The following MYO10 variants were observed in gnomAD, a reference collection of about 807,000 sequenced individuals.
The protein encoded by MYO10 is unconventional myosin-X.
Under a neutral mutation model 257.3 loss-of-function variants are expected in MYO10, and 133 were observed. The observed-to-expected ratio is 0.52, with a 90% CI of 0.45 to 0.60. The LOEUF is 0.60. Ranked by LOEUF, MYO10 falls within the 20% of genes least tolerant of loss-of-function variation. The probability of loss-of-function intolerance (pLI) is 0.00; values close to 1 mark genes in which losing one functional copy is unlikely to be tolerated. For missense variants in MYO10, 2,399 were observed against 2,635.7 expected, an observed-to-expected ratio of 0.91 and a Z score of 1.97; for synonymous variants, 1,104 against 1,028.6, an observed-to-expected ratio of 1.07 and a Z score of -1.40.
At position 16,666,428 on chromosome 5, in the gene MYO10, C is replaced by A; in HGVS notation, c.*264G>T. The A allele has an allele frequency of 5.2e-6, 2 of 388,064 alleles. No homozygotes were observed. The highest frequency in any genetic ancestry group is 7.5e-5 in the South Asian group (1 of 13,406). The allele number at this position is 388,064 out of a possible 1,614,324, so 24.0% of individuals were successfully genotyped here. On this transcript the variant is annotated 3_prime_UTR_variant, in exon 41 of 41. Coordinates refer to ENST00000513610, the MANE Select transcript of MYO10 (RefSeq NM_012334.3). ...CGGCTGCTTTGGTGGCAGCGTGGTT[C>A]CTCCCCTCCTTTTTTAAGGCATGTG...
chr5:16,689,692 C>CGCCT, intron 28 of MYO10, 132 bp downstream of exon 28: 1 of 688,120 alleles, frequency 1.5e-6, no homozygotes, highest in Non-Finnish European at 2.6e-6. Context: ...TCTCGTATGA[C>CGCCT]TCTTGGTTCT....
chr5:16,832,892 GAAACCAGAGTCAA>G lies in MYO10; in HGVS notation c.121-14738_121-14726del, dbSNP rs911428156. 5.3e-5 allele frequency among the ~76,000 whole-genome samples: 8 copies of G among 152,212 alleles called. 1 individual carries two copies. The highest frequency in any genetic ancestry group is 2.6e-4 in the Admixed American group (4 of 15,270). On this transcript the variant is annotated intron_variant, in intron 2 of 40. Coordinates refer to ENST00000513610, the MANE Select transcript of MYO10 (RefSeq NM_012334.3). Reference sequence around the variant, plus strand: ...CCTTTGCTATCAGCTACCCAAGTCAGAAACCAGAGTCAACCTAAAATCCCTCCATTGCCAACCA... The same window carrying G: ...CCTTTGCTATCAGCTACCCAAGTCAGCCTAAAATCCCTCCATTGCCAACCA...
At chr5:16,912,759 C>T (rs1048052552) in intron 1 of MYO10, among the ~76,000 whole-genome samples, 2 of 149,680 alleles carry the variant, frequency 1.3e-5, no homozygotes, top group Non-Finnish European at 3.0e-5. Flanking sequence ...CTGTTTATAG[C>T]TGCCAAGGGT....
At position 16,699,203 on chromosome 5, in the gene MYO10, G is replaced by A. The variant is rs189881556; in HGVS notation, c.3556+247C>T. On this transcript the variant is annotated intron_variant, in intron 26 of 40. Transcript: ENST00000513610. ...CCTGCCACTCTGCACCAAACCAGGGGAGTCACGACTGTGTTCATGCTGGTA... is the reference window on the plus strand; with the variant it reads ...CCTGCCACTCTGCACCAAACCAGGGAAGTCACGACTGTGTTCATGCTGGTA... Among the ~76,000 whole-genome samples, 711 of 152,240 alleles carry A rather than the reference G, an allele frequency of 4.7e-3. 18 individuals carry two copies. Among genetic ancestry groups the A allele is most frequent in the Admixed American group, 0.032 (495 of 15,282 alleles).
chr5:16,869,064 G>A (rs996541552), intron 2 of MYO10, among the ~76,000 whole-genome samples: 19 of 151,960 alleles, frequency 1.3e-4, no homozygotes, highest in Non-Finnish European at 2.1e-4. Context: ...TCGCTCTGTC[G>A]CCCAGCGTGG....
At chr5:16,801,303 G>A (rs377118389) in intron 3 of MYO10, among the ~76,000 whole-genome samples, 419 of 152,266 alleles carry the variant, frequency 2.8e-3, no homozygotes, top group African/African-American at 9.7e-3. Flanking sequence ...CGCCTCCCGG[G>A]TTAAAGCAAT....
intron 9 of MYO10, among the ~76,000 whole-genome samples, chr5:16,772,643 A>G (rs910869699): frequency 6.6e-6 from 1 of 152,230 alleles, no homozygotes; most frequent in African/African-American, 2.4e-5. Flanking sequence ...GCTCATGAAC[A>G]TTCTATTCTA....
At chr5:16,766,384 C>T (rs535884215) in intron 10 of MYO10, among the ~76,000 whole-genome samples, 186 bp from the exon 11 acceptor site, 6 of 152,202 alleles carry the variant, frequency 3.9e-5, no homozygotes, top group Admixed American at 3.9e-4. Context: ...CGTGCTTGGA[C>T]GAAGTGTGGT....
Position 16,935,844 on chromosome 5 carries a change from T to C in MYO10, c.-36A>G, listed in dbSNP as rs1746426843. The C allele has an allele frequency of 6.2e-7, 1 of 1,611,054 alleles. No homozygotes were observed. The highest frequency in any genetic ancestry group is 8.5e-7 in the Non-Finnish European group (1 of 1,178,914). ...CAGTCCCGGACTCGCCGAGTGCCGC[T>C]CCGACTCGCGGAAGTCAGCGCCGCC... On this transcript the variant is annotated 5_prime_UTR_variant, in exon 1 of 41. Transcript: ENST00000513610.
At chr5:16,820,394 A>G (rs1580031271) in intron 2 of MYO10, among the ~76,000 whole-genome samples, 1 of 152,162 alleles carries the variant, frequency 6.6e-6, no homozygotes, top group South Asian at 2.1e-4. Flanking sequence ...GTGGGGCAGA[A>G]ACAGAACTTG....
At chr5:16,698,914 C>T (rs899698744) in intron 26 of MYO10, among the ~76,000 whole-genome samples, 6 of 152,096 alleles carry the variant, frequency 3.9e-5, no homozygotes, top group African/African-American at 7.2e-5. Flanking sequence ...TGAGCCACCA[C>T]GCCCGGCCGA....
intron 22 of MYO10, among the ~76,000 whole-genome samples, chr5:16,704,258 A>C (rs1738227661): frequency 6.6e-6 from 1 of 152,130 alleles, no homozygotes; most frequent in South Asian, 2.1e-4. Context: ...CCAGGAGGTC[A>C]AGGCTGCAAT....
intron 21 of MYO10, among the ~76,000 whole-genome samples, chr5:16,707,188 C>T (rs1254947132): frequency 6.6e-6 from 1 of 152,190 alleles, no homozygotes; most frequent in Non-Finnish European, 1.5e-5. Flanking sequence ...GAGGCCTCCC[C>T]AGCCATGTGG....
Position 16,860,921 on chromosome 5 carries a change from A to G in MYO10, c.120+16688T>C, listed in dbSNP as rs59401831. Among the ~76,000 whole-genome samples the G allele has an allele frequency of 4.7e-3, 710 of 152,350 alleles. 10 individuals are homozygous for G. Among genetic ancestry groups the G allele is most frequent in the African/African-American group, 0.016 (671 of 41,590 alleles). ...TTAGCACTTTCTAAGCCCAGCTTGC[A>G]AAAGTGTGCTTTCACAACAATTTTT... On this transcript the variant is annotated intron_variant, in intron 2 of 40. Transcript: ENST00000513610.
chr5:16,783,445 G>A lies in MYO10; in HGVS notation c.492C>T (p.Thr164=), dbSNP rs201977953. The part of the protein sequence containing the change: ...LISGESGAGK[T]ESTKLILKFL... ...ACTTGAGGATCAATTTAGTGCTTTC[G>A]GTTTTACCTGCCCCACTTTCACCAC... is the stretch of plus-strand genomic sequence containing the variant. The change falls in exon 5 of 41, where the codon ACC becomes ACT. Residue 164 remains threonine, a synonymous_variant. Coordinates refer to ENST00000513610, the MANE Select transcript of MYO10 (RefSeq NM_012334.3). 195 of 1,610,776 alleles carry A rather than the reference G, an allele frequency of 1.2e-4. No individual in the cohort carries two copies. Among genetic ancestry groups the A allele is most frequent in the Middle Eastern group, 8.2e-4 (5 of 6,084 alleles).
At chr5:16,761,620 G>C (rs2126649714) in intron 16 of MYO10, 74 bp from the exon 17 acceptor site, 1 of 1,050,680 alleles carries the variant, frequency 9.5e-7, no homozygotes, top group Non-Finnish European at 1.4e-6. Context: ...TTCCCTGAAA[G>C]AGCCACAAAA....
chr5:16,764,537 G>A, intron 11 of MYO10, 141 bp from the exon 12 acceptor site: 1 of 772,016 alleles, frequency 1.3e-6, no homozygotes, highest in South Asian at 2.0e-5. Flanking sequence ...ATCTCATCTA[G>A]GAAAGGACAG....
At chr5:16,835,711 C>T (rs1327293182) in intron 2 of MYO10, among the ~76,000 whole-genome samples, 1 of 150,844 alleles carries the variant, frequency 6.6e-6, no homozygotes, top group Non-Finnish European at 1.5e-5. Flanking sequence ...CAGGAAAACA[C>T]TCTCTGAATT....
intron 1 of MYO10, among the ~76,000 whole-genome samples, chr5:16,886,594 C>G (rs1221408030): frequency 6.7e-6 from 1 of 150,324 alleles, no homozygotes; most frequent in African/African-American, 2.4e-5. Context: ...TCATCATCGT[C>G]ATCATCATTT....
Sources: allele counts gnomAD v4.1 joint callset (sites outside exome capture counted in the v4.1 genomes callset), GRCh38; gene constraint gnomAD v4.1.1; transcripts MANE v1.5; gene names NCBI Gene and HGNC (gene_info 2026-07-23, HGNC 2026-07-21).